The following DHRSX variants were observed in gnomAD, a reference collection of about 807,000 sequenced individuals.
DHRSX encodes the protein dehydrogenase/reductase X-linked, also known as polyprenol dehydrogenase.
Under a neutral mutation model 34.0 loss-of-function variants are expected in DHRSX, and 31 were observed. The ratio of observed to expected loss-of-function variants is 0.91; its 90% CI spans 0.69 to 1.23. DHRSX has a LOEUF of 1.23. Ranked by LOEUF, DHRSX falls within the 50% of genes most tolerant of loss-of-function variation. DHRSX has a pLI of 0.00. For synonymous variants in DHRSX, 201 were observed against 183.8 expected (o/e 1.09, Z -0.76); for missense variants, 414 against 428.1 (o/e 0.97, Z 0.29).
At chrX:2,405,900 A>AT (rs200810628) in intron 3 of DHRSX, among the ~76,000 whole-genome samples, 20,187 of 95,870 alleles carry the variant, frequency 0.21, 4,033 homozygotes, top group African/African-American at 0.57. Flanking sequence ...AGGGATGTGC[A>AT]TTTAAAAAAA....
At chrX:2,284,426 G>A (rs778574938) in intron 4 of DHRSX, among the ~76,000 whole-genome samples, 47 of 152,076 alleles carry the variant, frequency 3.1e-4, no homozygotes, top group Non-Finnish European at 5.7e-4. Flanking sequence ...ATGAATGAAT[G>A]AATGAATGGG....
At chrX:2,367,435 CAA>C (rs758111982) in intron 3 of DHRSX, among the ~76,000 whole-genome samples, 1 of 76,410 alleles carries the variant, frequency 1.3e-5, no homozygotes. Flanking sequence ...AAGACTGTCT[CAA>C]AAAAAAAAAG....
chrX:2,384,777 G>A (rs750879124), intron 3 of DHRSX, among the ~76,000 whole-genome samples: 2 of 129,812 alleles, frequency 1.5e-5, no homozygotes, highest in African/African-American at 2.7e-5. Context: ...TGGGGGGAGG[G>A]GGGGGATGGC....
intron 6 of DHRSX, among the ~76,000 whole-genome samples, chrX:2,234,614 A>G (rs2015972019): frequency 6.6e-6 from 1 of 152,290 alleles, no homozygotes; most frequent in Non-Finnish European, 1.5e-5. Flanking sequence ...TAGTATATAC[A>G]CACCATGGAA....
chrX:2,351,410 C>T (rs1207832294), intron 3 of DHRSX, among the ~76,000 whole-genome samples: 1 of 152,118 alleles, frequency 6.6e-6, no homozygotes, highest in African/African-American at 2.4e-5. Context: ...ATAAATATGC[C>T]TGAATAACAT....
intron 1 of DHRSX, among the ~76,000 whole-genome samples, chrX:2,458,504 A>G (rs2044343586): frequency 1.3e-5 from 2 of 152,194 alleles, no homozygotes; most frequent in South Asian, 2.1e-4. Context: ...TGCAGCCATG[A>G]AAAAGGAAAT....
At chrX:2,250,063 G>A (rs1220466458) in intron 5 of DHRSX, among the ~76,000 whole-genome samples, 2 of 150,756 alleles carry the variant, frequency 1.3e-5, no homozygotes, top group East Asian at 2.0e-4. Flanking sequence ...CTTGGGTGCT[G>A]AGGCAGGAGA....
At chrX:2,258,431 C>CTATGG (rs2041309325) in intron 5 of DHRSX, among the ~76,000 whole-genome samples, 1 of 151,810 alleles carries the variant, frequency 6.6e-6, no homozygotes, top group African/African-American at 2.4e-5. Context: ...TCTACCCAGT[C>CTATGG]TATGGTATTC....
At chrX:2,264,458 T>C (rs1352250306) in intron 5 of DHRSX, among the ~76,000 whole-genome samples, 368 of 46,076 alleles carry the variant, frequency 8.0e-3, no homozygotes, top group African/African-American at 9.5e-3. Context: ...GCACCTGTGC[T>C]CAGCAGACGC....
intron 3 of DHRSX, among the ~76,000 whole-genome samples, chrX:2,400,145 G>T (rs757386732): frequency 6.6e-6 from 1 of 152,152 alleles, no homozygotes; most frequent in African/African-American, 2.4e-5. Context: ...AATCGTTGGC[G>T]AACACATTCA....
chrX:2,359,452 T>G lies in DHRSX; in HGVS notation c.286+49293A>C, dbSNP rs192742914. Among the ~76,000 whole-genome samples the G allele has an allele frequency of 9.7e-3, 1,470 of 151,830 alleles. 20 individuals carry two copies. Among genetic ancestry groups the G allele is most frequent in the African/African-American group, 0.033 (1,366 of 41,412 alleles). On this transcript the variant is annotated intron_variant, in intron 3 of 6. Coordinates refer to ENST00000334651, the MANE Select transcript of DHRSX (RefSeq NM_145177.3). Reference sequence around the variant, plus strand: ...CAGCACTTTGGGAGGCCAAGGCGGGTGGATCGCGAGGTCAGGAGTTCGAGA... The same window carrying G: ...CAGCACTTTGGGAGGCCAAGGCGGGGGGATCGCGAGGTCAGGAGTTCGAGA...
intron 1 of DHRSX, among the ~76,000 whole-genome samples, chrX:2,476,698 G>A (rs2044685141): frequency 6.6e-6 from 1 of 152,134 alleles, no homozygotes; most frequent in Admixed American, 6.6e-5. Flanking sequence ...AGAATACTAT[G>A]CATTCTTGAA....
chrX:2,461,926 G>A (rs2044407544), intron 1 of DHRSX, among the ~76,000 whole-genome samples: 1 of 151,998 alleles, frequency 6.6e-6, no homozygotes. Context: ...GGGCTCAAGC[G>A]ATCCACCGGC....
chrX:2,403,311 C>T (rs2043510946), intron 3 of DHRSX, among the ~76,000 whole-genome samples: 1 of 152,196 alleles, frequency 6.6e-6, no homozygotes, highest in East Asian at 1.9e-4. Flanking sequence ...CTCCACGGCA[C>T]ACCCCATCTT....
At chrX:2,377,063 T>C (rs747233641) in intron 3 of DHRSX, among the ~76,000 whole-genome samples, 6 of 150,960 alleles carry the variant, frequency 4.0e-5, no homozygotes, top group South Asian at 4.2e-4. Context: ...CAAAGGCAGA[T>C]ACTGTATTGA....
At chrX:2,348,857 C>A (rs2042752414) in intron 3 of DHRSX, among the ~76,000 whole-genome samples, 1 of 152,024 alleles carries the variant, frequency 6.6e-6, no homozygotes, top group South Asian at 2.1e-4. Context: ...CCACACTCAG[C>A]TAATTTTTGT....
chrX:2,319,498 G>A (rs1194390780), intron 3 of DHRSX, among the ~76,000 whole-genome samples: 5 of 145,030 alleles, frequency 3.4e-5, no homozygotes, highest in South Asian at 2.2e-4. Flanking sequence ...AGCCGAGATC[G>A]TGCCACTGCA....
At chrX:2,448,155 T>C (rs534582143) in intron 1 of DHRSX, among the ~76,000 whole-genome samples, 39,611 of 145,104 alleles carry the variant, frequency 0.27, 5,872 homozygotes, top group South Asian at 0.4. Context: ...CTGAGCAACA[T>C]AGCAAGATCC....
chrX:2,471,908 G>T (rs2044598995), intron 1 of DHRSX, among the ~76,000 whole-genome samples: 1 of 152,074 alleles, frequency 6.6e-6, no homozygotes, highest in Non-Finnish European at 1.5e-5. Context: ...CACTTTGGGA[G>T]GCCGTGGAGG....
Sources: gnomAD v4.1 joint callset for allele counts (sites outside exome capture counted in the v4.1 genomes callset) on GRCh38, gnomAD v4.1.1 for gene constraint, MANE v1.5 for transcripts, NCBI Gene and HGNC (gene_info 2026-07-23, HGNC 2026-07-21) for gene names.